The following WIPF3 variants were observed in gnomAD, a reference collection of about 807,000 sequenced individuals.
The protein encoded by WIPF3 is WAS/WASL-interacting protein family member 3.
Under a neutral mutation model 38.9 loss-of-function variants are expected in WIPF3, and 33 were observed. That is an observed-to-expected ratio of 0.85 (90% CI 0.64 to 1.14). WIPF3 has a LOEUF of 1.14. Among genes scored for constraint, WIPF3 ranks in the 50% most tolerant of loss-of-function variants. WIPF3 has a pLI of 0.00. For missense variants in WIPF3, 711 were observed against 652.5 expected (o/e 1.09, Z -0.98); for synonymous variants, 324 against 269.3 (o/e 1.20, Z -1.99).
intron 8 of WIPF3, among the ~76,000 whole-genome samples, chr7:29,911,488 A>G (rs569402196): frequency 6.6e-6 from 1 of 152,290 alleles, no homozygotes; most frequent in African/African-American, 2.4e-5. Flanking sequence ...TTGAAAAAGA[A>G]GAATAAATCT....
At chr7:29,902,273 TC>T (rs59687660) in intron 7 of WIPF3, among the ~76,000 whole-genome samples, 18,289 of 117,066 alleles carry the variant, frequency 0.16, 1,241 homozygotes, top group African/African-American at 0.19. Flanking sequence ...TTCTTCTTCT[TC>T]TTTTTTTTTT....
intron 2 of WIPF3, among the ~76,000 whole-genome samples, chr7:29,862,246 C>T (rs558330341): frequency 5.2e-4 from 79 of 152,262 alleles, no homozygotes; most frequent in Non-Finnish European, 1.0e-3. Flanking sequence ...ACAAACTAGA[C>T]CATTAGACAA....
chr7:29,896,213 G>A (rs1001656966), intron 7 of WIPF3, among the ~76,000 whole-genome samples: 1 of 150,532 alleles, frequency 6.6e-6, no homozygotes, highest in Admixed American at 6.7e-5. Flanking sequence ...GGAGGCTCAG[G>A]CAGGAGAATC....
At chr7:29,909,716 C>T (rs928334645) in intron 8 of WIPF3, among the ~76,000 whole-genome samples, 5 of 151,886 alleles carry the variant, frequency 3.3e-5, no homozygotes, top group Non-Finnish European at 7.4e-5. Flanking sequence ...GACAACATAG[C>T]GAACCCTGTC....
At chr7:29,910,763 A>G (rs1319881281) in intron 8 of WIPF3, among the ~76,000 whole-genome samples, 3 of 151,828 alleles carry the variant, frequency 2.0e-5, no homozygotes, top group Non-Finnish European at 4.4e-5. Context: ...ATAGAAGGAA[A>G]CTCCCTTAAC....
intron 2 of WIPF3, among the ~76,000 whole-genome samples, chr7:29,839,774 A>G (rs2128066437): frequency 6.6e-6 from 1 of 152,356 alleles, no homozygotes. Context: ...TCATGTTTCA[A>G]TCCATAAATA....
intron 2 of WIPF3, among the ~76,000 whole-genome samples, chr7:29,842,704 C>T (rs1784932213): frequency 1.3e-5 from 2 of 151,958 alleles, no homozygotes; most frequent in African/African-American, 2.4e-5. Context: ...AATGGAGTGC[C>T]CTCTGAAGTC....
In WIPF3 at chr7:29,844,610, G is replaced by C. The variant is rs1176915682; in HGVS notation, c.90+9796G>C. On this transcript the variant is annotated intron_variant, in intron 2 of 8. Transcript: ENST00000242140. The surrounding 1 kb of genome is among the most constrained non-coding windows in gnomAD (Gnocchi z 4.8). ...TGGCCATTGAGCCTAACTGCCGTGT[G>C]CCCCACTGCCTCCAGCTGCGTGAAC... is the stretch of plus-strand genomic sequence containing the variant. 6.6e-6 allele frequency among the ~76,000 whole-genome samples: 1 copy of C among 152,202 alleles called. No homozygotes were observed. The highest frequency in any genetic ancestry group is 1.5e-5 in the Non-Finnish European group (1 of 68,034).
intron 7 of WIPF3, 126 bp from the exon 8 acceptor site, chr7:29,904,160 C>T (rs1321897573): frequency 5.1e-6 from 4 of 782,676 alleles, no homozygotes; most frequent in Non-Finnish European, 6.3e-6. Flanking sequence ...TGGAAACAGA[C>T]AGTCTAGGGC....
intron 4 of WIPF3, among the ~76,000 whole-genome samples, chr7:29,880,349 A>G (rs1232107184): frequency 6.6e-6 from 1 of 152,172 alleles, no homozygotes. Context: ...ACTCACCAAT[A>G]AAAGTCCAGC....
intron 2 of WIPF3, among the ~76,000 whole-genome samples, chr7:29,857,977 T>C (rs977950788): frequency 2.0e-5 from 3 of 152,202 alleles, no homozygotes; most frequent in African/African-American, 7.2e-5. Flanking sequence ...TTACTCAAAA[T>C]GAGCAGACTG....
At chr7:29,900,628 A>T (rs1481991899) in intron 7 of WIPF3, among the ~76,000 whole-genome samples, 1 of 152,232 alleles carries the variant, frequency 6.6e-6, no homozygotes, top group Admixed American at 6.5e-5. Context: ...CACTAGAATG[A>T]TCATTTCCAA....
rs1240895360 is a variant in WIPF3, at chr7:29,806,626, A to C, written c.-110A>C. On this transcript the variant is annotated 5_prime_UTR_variant, in exon 1 of 9. Transcript: ENST00000242140. ...CCGGAGCCGGAGGCGGCGGCGGCGGAGACGTCGGCCGGAGCTCGAGTCCAG... is the reference window on the plus strand; with the variant it reads ...CCGGAGCCGGAGGCGGCGGCGGCGGCGACGTCGGCCGGAGCTCGAGTCCAG... The C allele has an allele frequency of 6.6e-6, 1 of 151,302 alleles. No homozygotes were observed. Among genetic ancestry groups the C allele is most frequent in the East Asian group, 2.0e-4 (1 of 5,126 alleles). 9.4% of individuals were successfully genotyped at this position (151,302 alleles called of 1,614,324 possible). A position where few individuals can be genotyped will look rare whatever the true frequency, so the allele number is the denominator to read the frequency against.
At chr7:29,852,807 G>A (rs1785124738) in intron 2 of WIPF3, among the ~76,000 whole-genome samples, 1 of 152,224 alleles carries the variant, frequency 6.6e-6, no homozygotes, top group African/African-American at 2.4e-5. Context: ...TTTAGAAAAA[G>A]GAAGGAGTGT....
chr7:29,842,865 A>G (rs1438663424), intron 2 of WIPF3, among the ~76,000 whole-genome samples: 1 of 152,194 alleles, frequency 6.6e-6, no homozygotes, highest in Non-Finnish European at 1.5e-5. Context: ...TTCATTTGGA[A>G]TAATGAAAGG....
At chr7:29,836,199 A>G (rs1784796975) in intron 2 of WIPF3, among the ~76,000 whole-genome samples, 1 of 152,248 alleles carries the variant, frequency 6.6e-6, no homozygotes, top group African/African-American at 2.4e-5. Flanking sequence ...AGTCAAATTC[A>G]AGGTCATTGC....
chr7:29,842,488 G>C (rs1784928293), intron 2 of WIPF3, among the ~76,000 whole-genome samples: 1 of 152,200 alleles, frequency 6.6e-6, no homozygotes, highest in South Asian at 2.1e-4. Flanking sequence ...CCTCGTTCCT[G>C]TTTGCCAGAG....
intron 7 of WIPF3, among the ~76,000 whole-genome samples, chr7:29,902,512 A>G (rs139585073): frequency 7.2e-5 from 11 of 152,216 alleles, no homozygotes; most frequent in Non-Finnish European, 1.5e-4. Flanking sequence ...TGACTTATAT[A>G]TGTTGTAGAA....
intron 2 of WIPF3, among the ~76,000 whole-genome samples, chr7:29,869,038 T>A (rs1785444287): frequency 6.6e-6 from 1 of 151,770 alleles, no homozygotes; most frequent in Non-Finnish European, 1.5e-5. Flanking sequence ...TTTTTTTTTT[T>A]CATTTTTTGA....
Sources: allele counts gnomAD v4.1 joint callset (sites outside exome capture counted in the v4.1 genomes callset), GRCh38; gene constraint gnomAD v4.1.1; non-coding constraint Gnocchi (gnomAD v3.1); transcripts MANE v1.5; gene names NCBI Gene and HGNC (gene_info 2026-07-23, HGNC 2026-07-21).